The following HOOK2 variants were observed in gnomAD, a reference collection of about 807,000 sequenced individuals.
The protein encoded by HOOK2 is hook microtubule tethering protein 2, also known as protein Hook homolog 2.
In HOOK2, 108 loss-of-function variants were observed where a neutral mutation model predicts 111.9. That is an observed-to-expected ratio of 0.96 (90% CI 0.83 to 1.13). The LOEUF (loss-of-function observed/expected upper bound fraction) is 1.13. HOOK2 is among the 50% of genes most tolerant of loss of function. The pLI, the probability that HOOK2 is intolerant of heterozygous loss-of-function variation, is 0.00. For missense variants in HOOK2, 978 were observed against 951.3 expected, an observed-to-expected ratio of 1.03 and a Z score of -0.37; for synonymous variants, 405 against 394.3, an observed-to-expected ratio of 1.03 and a Z score of -0.32.
At chr19:12,774,424 G>A (rs1407518154) in intron 3 of HOOK2, 14 of 587,648 alleles carry the variant, frequency 2.4e-5, no homozygotes, top group Non-Finnish European at 4.3e-5. Context: ...AATTTTTATG[G>A]TTGTGTATGT....
At chr19:12,765,118 C>G (rs779710786) in intron 18 of HOOK2, 37 bp from the exon 19 acceptor site, 1 of 1,606,142 alleles carries the variant, frequency 6.2e-7, no homozygotes, top group African/African-American at 1.3e-5. Context: ...GGCTGACCTC[C>G]GGGCTGGCTT....
chr19:12,774,453 G>A (rs1304848360), intron 3 of HOOK2: 1 of 607,994 alleles, frequency 1.6e-6, no homozygotes, highest in African/African-American at 1.8e-5. Flanking sequence ...TCACTAGAAT[G>A]ATGGCTGTGT....
Position 12,772,195 on chromosome 19 carries a change from T to A in HOOK2, c.514A>T (p.Ser172Cys), listed in dbSNP as rs766618105. Residue 172 changes from serine (S) to cysteine (C), a missense_variant, in exon 7 of 23, where the codon AGC becomes TGC. Transcript: ENST00000397668. ...CTTTCCCCCAAATCTCTTACCTGGC[T>A]GTCAAAGTTGCCATACGTCTCTGGT... The part of the protein sequence containing the change: ...LSPETYGNFD[S>C]QSRRYYFLSE... 1.2e-6 allele frequency: 2 copies of A among 1,611,922 alleles called. No individual in the cohort carries two copies. Among genetic ancestry groups the A allele is most frequent in the Non-Finnish European group, 1.7e-6 (2 of 1,177,936 alleles).
chr19:12,775,682 A>T, upstream of HOOK2: 2 of 392,972 alleles, frequency 5.1e-6, no homozygotes, highest in Non-Finnish European at 8.6e-6. Flanking sequence ...GGATCCGGGC[A>T]CCGTTCGGGC....
At position 12,767,831 on chromosome 19, in the gene HOOK2, C is replaced by A. The variant is rs201650115; in HGVS notation, c.1288G>T (p.Gly430Trp). ...TTCATCTCACCGGCCTGGGTCAACC[C>A]CCGCGGCTGCAGCTGGGCGCAGCGC... is the stretch of plus-strand genomic sequence containing the variant. ...ELRCAQLQPRGLTQADPSLDP... is the reference protein window; with the variant it reads ...ELRCAQLQPRWLTQADPSLDP... Residue 430 changes from glycine to tryptophan, a missense_variant, in exon 13 of 23, where the codon GGG (glycine) becomes TGG (tryptophan). This residue lies in a region of HOOK2 where 388 missense variants were observed against 358.3 expected (regional missense o/e 1.08). Coordinates refer to ENST00000397668, the MANE Select transcript of HOOK2 (RefSeq NM_013312.3). The A allele has an allele frequency of 5.4e-5, 86 of 1,603,168 alleles. No individual in the cohort carries two copies. Among genetic ancestry groups the A allele is most frequent in the Non-Finnish European group, 7.2e-5 (85 of 1,179,898 alleles).
intron 18 of HOOK2, 75 bp downstream of exon 18, chr19:12,765,615 G>A: frequency 6.5e-7 from 1 of 1,538,084 alleles, no homozygotes; most frequent in Non-Finnish European, 9.0e-7. Context: ...CAGGCATGGT[G>A]GCACATGCCT....
intron 3 of HOOK2, among the ~76,000 whole-genome samples, chr19:12,783,694 A>T (rs1236722977): frequency 6.6e-6 from 1 of 152,076 alleles, no homozygotes; most frequent in Non-Finnish European, 1.5e-5. Context: ...AGGGATCATT[A>T]TGTCCAGCTT....
chr19:12,766,981 G>A (rs1457338996), intron 14 of HOOK2, among the ~76,000 whole-genome samples: 2 of 152,066 alleles, frequency 1.3e-5, no homozygotes, highest in African/African-American at 2.4e-5. Context: ...CTCCAGCTTC[G>A]GCCTTCCAAA....
chr19:12,766,437 G>C lies in HOOK2; in HGVS notation c.1374-197C>G. ...TAAAGTGGACGGAGCTCTAAGCTGG[G>C]ATAGTGGGTGGGGCTAGGCAGGGGC... On this transcript the variant is annotated intron_variant, in intron 14 of 22. Coordinates refer to ENST00000397668, the MANE Select transcript of HOOK2 (RefSeq NM_013312.3). The C allele has an allele frequency of 4.8e-6, 3 of 621,056 alleles. No homozygotes were observed. In the South Asian group the frequency reaches 7.2e-5, roughly 15 times the overall value. The allele number at this position is 621,056 out of a possible 1,614,324, so 38.5% of individuals were successfully genotyped here.
At chr19:12,789,054 A>G (rs1968681357) in intron 3 of HOOK2, among the ~76,000 whole-genome samples, 1 of 150,954 alleles carries the variant, frequency 6.6e-6, no homozygotes, top group Non-Finnish European at 1.5e-5. Flanking sequence ...TCTCTTTCCC[A>G]CACTTGGTGA....
chr19:12,767,338 G>A lies in HOOK2; in HGVS notation c.1373+57C>T. On this transcript the variant is annotated intron_variant, in intron 14 of 22. Transcript: ENST00000397668. ...AAGATGGGAGGGCGGGAGCGGGGCTGAGGGCGGGCCTTGGCAAGCCTGGGT... is the reference window on the plus strand; with the variant it reads ...AAGATGGGAGGGCGGGAGCGGGGCTAAGGGCGGGCCTTGGCAAGCCTGGGT... The A allele has an allele frequency of 6.2e-6, 9 of 1,446,510 alleles. No individual in the cohort carries two copies. In the South Asian group the frequency reaches 6.8e-5, roughly 11 times the overall value. 89.6% of individuals were successfully genotyped at this position (1,446,510 alleles called of 1,614,324 possible).
At chr19:12,769,761 C>G (rs145498472) in intron 11 of HOOK2, 120 bp downstream of exon 11, 79 of 795,806 alleles carry the variant, frequency 9.9e-5, no homozygotes, top group Middle Eastern at 4.0e-4. Context: ...GGAAGAGGCC[C>G]GGAGAGCGTG....
Position 12,791,934 on chromosome 19 carries a change from G to T in HOOK2, n.42-17709C>A. ...CTACCGGAGTCTCAAAGCGCCTGGG[G>T]CTCGCGGACCCGGCCCAGAGGGCGG... On this transcript the variant is annotated intron_variant and non_coding_transcript_variant, in intron 3 of 3. Transcript: ENST00000589765. The surrounding 1 kb of genome is among the most constrained non-coding windows in gnomAD (Gnocchi z 7.0). 1.2e-6 allele frequency: 2 copies of T among 1,612,038 alleles called. No homozygotes were observed. Among genetic ancestry groups the T allele is most frequent in the Non-Finnish European group, 1.7e-6 (2 of 1,179,602 alleles).
rs775569840 is a variant in HOOK2 at position 12,767,867 on chromosome 19, T to C, written c.1252A>G (p.Asn418Asp). ...AGCTGGGCGCAGCGCAGCTCCTCAT[T>C]GGCCTCCCGCAAGGAGTCCCGCTCC... ...LAERDSLREA[N>D]EELRCAQLQP... The change falls in exon 13 of 23, where the codon AAT becomes GAT. Residue 418 changes from asparagine (N) to aspartate (D), a missense_variant. Coordinates refer to ENST00000397668, the MANE Select transcript of HOOK2 (RefSeq NM_013312.3). 1.9e-6 allele frequency: 3 copies of C among 1,607,994 alleles called. No individual in the cohort carries two copies. The highest frequency in any genetic ancestry group is 1.1e-5 in the South Asian group (1 of 91,026).
At position 12,771,391 on chromosome 19, in the gene HOOK2, C is replaced by T. The variant is rs769686438; in HGVS notation, c.600+6G>A. The T allele has an allele frequency of 3.7e-6, 6 of 1,612,572 alleles. No individual in the cohort carries two copies. In the African/African-American group the frequency reaches 4.0e-5, roughly 11 times the overall value. The stretch of plus-strand genomic sequence containing the variant: ...TCAAGTGACCCTGCCCCACCTAGGG[C>T]CCTACCTGCCGCTCCAGATCCAGAC... On this transcript the variant is annotated splice_donor_region_variant and intron_variant, in intron 8 of 22. Transcript: ENST00000397668.
Position 12,791,949 on chromosome 19 carries a change from C to T in HOOK2, n.42-17724G>A, listed in dbSNP as rs1968722677. The T allele has an allele frequency of 6.2e-7, 1 of 1,611,358 alleles. No homozygotes were observed. Among genetic ancestry groups the T allele is most frequent in the Admixed American group, 1.7e-5 (1 of 59,780 alleles). ...AGCGCCTGGGGCTCGCGGACCCGGC[C>T]CAGAGGGCGGCGGTGGCGGCAGCTA... On this transcript the variant is annotated intron_variant and non_coding_transcript_variant, in intron 3 of 3. Coordinates refer to the HOOK2 transcript ENST00000589765. This position sits in a 1 kb window ranked among gnomAD's most constrained non-coding sequence, Gnocchi z 7.0.
chr19:12,775,363 G>A (rs746701151), intron 1 of HOOK2, 42 bp downstream of exon 1: 1 of 1,600,944 alleles, frequency 6.2e-7, no homozygotes, highest in Non-Finnish European at 8.5e-7. Context: ...CGGGCAAGAG[G>A]AGCGGGCGCT....
At chr19:12,779,879 G>A (rs928654023), upstream of HOOK2, among the ~76,000 whole-genome samples, 1 of 152,204 alleles carries the variant, frequency 6.6e-6, no homozygotes, top group African/African-American at 2.4e-5. Flanking sequence ...GCCGGGCTTG[G>A]TGGCTCGCGC....
At position 12,791,655 on chromosome 19, in the gene HOOK2, C is replaced by T; in HGVS notation, n.42-17430G>A. 2 of 718,034 alleles carry T rather than the reference C, an allele frequency of 2.8e-6. No individual in the cohort carries two copies. Among genetic ancestry groups the T allele is most frequent in the South Asian group, 2.4e-5 (1 of 41,696 alleles). The allele number at this position is 718,034 out of a possible 1,614,324, so 44.5% of individuals were successfully genotyped here. A position where few individuals can be genotyped will look rare whatever the true frequency, so the allele number is the denominator to read the frequency against. ...GCTGCTACCCGCCCGCGCCAGCCCC[C>T]GAGAACGCGCGACCAGGCACCCAGT... On this transcript the variant is annotated intron_variant and non_coding_transcript_variant, in intron 3 of 3. Coordinates refer to the HOOK2 transcript ENST00000589765. This position sits in a 1 kb window ranked among gnomAD's most constrained non-coding sequence, Gnocchi z 7.0.
Sources: gnomAD v4.1 joint callset for allele counts (sites outside exome capture counted in the v4.1 genomes callset) on GRCh38, gnomAD v4.1.1 for gene constraint, gnomAD v4.1.1 regional missense constraint, Gnocchi (gnomAD v3.1) non-coding constraint, MANE v1.5 for transcripts, NCBI Gene and HGNC (gene_info 2026-07-23, HGNC 2026-07-21) for gene names.